SPIDR: variants seen among roughly 807,000 people sequenced by gnomAD.
SPIDR encodes scaffold protein involved in DNA repair, also known as DNA repair-scaffolding protein.
A neutral mutation model predicts 104.6 loss-of-function variants in SPIDR; 93 were observed. The observed-to-expected ratio is 0.89, with a 90% CI of 0.75 to 1.06. The LOEUF is 1.06. SPIDR is among the 50% of genes least tolerant of loss of function. The pLI is 0.00. For synonymous variants in SPIDR, 431 were observed against 416.9 expected (o/e 1.03, Z -0.41); for missense variants, 1,154 against 1,111.2 (o/e 1.04, Z -0.55).
chr8:47,583,303 C>G (rs1308220565), intron 8 of SPIDR, among the ~76,000 whole-genome samples: 1 of 79,194 alleles, frequency 1.3e-5, no homozygotes, highest in Non-Finnish European at 2.5e-5. Context: ...GAGACTCCAT[C>G]TCAAAAAAAA....
At chr8:47,575,804 A>C (rs1328317638) in intron 8 of SPIDR, among the ~76,000 whole-genome samples, 18 of 151,460 alleles carry the variant, frequency 1.2e-4, no homozygotes, top group Admixed American at 7.9e-4. Flanking sequence ...TACTGAAAAT[A>C]CAAAAATTAG....
Position 47,643,515 on chromosome 8 carries a change from G to GTGTTGT in SPIDR, c.1545-30260_1545-30255dup, listed in dbSNP as rs33933986. On this transcript the variant is annotated intron_variant, in intron 10 of 19. Coordinates refer to ENST00000297423, the MANE Select transcript of SPIDR (RefSeq NM_001080394.4). The stretch of plus-strand genomic sequence containing the variant: ...AGGCACATATCACCACACCTGGCTA[G>GTGTTGT]TGTTGTTGTTGTTGTTGTTGTTGTT... 6.4e-4 allele frequency among the ~76,000 whole-genome samples: 96 copies of GTGTTGT among 148,908 alleles called. 1 individual carries two copies. The highest frequency in any genetic ancestry group is 1.2e-3 in the Non-Finnish European group (79 of 67,396).
At chr8:47,645,087 G>A (rs926324127) in intron 10 of SPIDR, among the ~76,000 whole-genome samples, 1 of 152,164 alleles carries the variant, frequency 6.6e-6, no homozygotes, top group Non-Finnish European at 1.5e-5. Flanking sequence ...AAGCCTTTAA[G>A]GTTTTCAGCA....
intron 1 of SPIDR, among the ~76,000 whole-genome samples, chr8:47,275,139 G>A (rs1231797031): frequency 3.3e-5 from 5 of 151,478 alleles, no homozygotes; most frequent in African/African-American, 4.8e-5. Context: ...GGCGCCTGTA[G>A]TCCCAGCTAC....
chr8:47,660,349 A>G, intron 10 of SPIDR: 2 of 591,078 alleles, frequency 3.4e-6, no homozygotes, highest in Non-Finnish European at 4.3e-6. Context: ...TGAACAGGGA[A>G]CCTCTTATCT....
intron 1 of SPIDR, among the ~76,000 whole-genome samples, chr8:47,270,975 A>G (rs894498333): frequency 6.6e-6 from 1 of 152,278 alleles, no homozygotes; most frequent in East Asian, 1.9e-4. Flanking sequence ...ATGGCCTAAC[A>G]TGGTCTGTCG....
chr8:47,399,621 C>G (rs1021167039), intron 6 of SPIDR, among the ~76,000 whole-genome samples: 1 of 152,168 alleles, frequency 6.6e-6, no homozygotes, highest in Non-Finnish European at 1.5e-5. Flanking sequence ...TGGTCATGGA[C>G]TGAGTTTGAG....
At chr8:47,323,700 A>C (rs1410159317) in intron 5 of SPIDR, among the ~76,000 whole-genome samples, 1 of 152,214 alleles carries the variant, frequency 6.6e-6, no homozygotes, top group African/African-American at 2.4e-5. Context: ...ACACAGCTGA[A>C]CATAGAAGAC....
intron 8 of SPIDR, among the ~76,000 whole-genome samples, chr8:47,467,832 A>G (rs1404815046): frequency 6.6e-5 from 10 of 152,218 alleles, no homozygotes; most frequent in African/African-American, 2.4e-4. Context: ...CTCCTATTCA[A>G]CATTGTATTG....
At chr8:47,669,224 G>T (rs2075444546) in intron 10 of SPIDR, among the ~76,000 whole-genome samples, 1 of 152,186 alleles carries the variant, frequency 6.6e-6, no homozygotes. Flanking sequence ...AAGTCATGGG[G>T]ACACTTTTCT....
intron 6 of SPIDR, among the ~76,000 whole-genome samples, chr8:47,403,244 TATC>T (rs2062175571): frequency 6.6e-6 from 1 of 152,148 alleles, no homozygotes; most frequent in South Asian, 2.1e-4. Flanking sequence ...CCACAGCCAA[TATC>T]ATACTGAATG....
At chr8:47,270,370 C>T (rs1330433518) in intron 1 of SPIDR, among the ~76,000 whole-genome samples, 2 of 152,032 alleles carry the variant, frequency 1.3e-5, no homozygotes, top group Admixed American at 6.5e-5. Flanking sequence ...TTGTCTTTCT[C>T]GGAATTTGTT....
At position 47,502,630 on chromosome 8, in the gene SPIDR, A is replaced by C. The variant is rs538519943; in HGVS notation, c.1097+62088A>C. Among the ~76,000 whole-genome samples, 5 of 151,906 alleles carry C rather than the reference A, an allele frequency of 3.3e-5. No individual in the cohort carries two copies. The East Asian group carries it at 7.7e-4, about 24-fold the overall frequency. Reference sequence around the variant, plus strand: ...TTTTTGAAGGGTTTTTCGTGTCTCTATTTCCTTCGGTTCTGCTCTGATCTT... The same window carrying C: ...TTTTTGAAGGGTTTTTCGTGTCTCTCTTTCCTTCGGTTCTGCTCTGATCTT... On this transcript the variant is annotated intron_variant, in intron 8 of 19. Coordinates refer to ENST00000297423, the MANE Select transcript of SPIDR (RefSeq NM_001080394.4).
intron 8 of SPIDR, among the ~76,000 whole-genome samples, chr8:47,529,565 C>G (rs1294391289): frequency 1.3e-5 from 2 of 151,776 alleles, no homozygotes; most frequent in African/African-American, 4.8e-5. Context: ...TTTGTCACTA[C>G]TAAGGCTACC....
intron 8 of SPIDR, among the ~76,000 whole-genome samples, chr8:47,459,084 A>G (rs190533768): frequency 1.3e-5 from 2 of 152,114 alleles, no homozygotes; most frequent in Non-Finnish European, 2.9e-5. Flanking sequence ...CATCAGGGTT[A>G]TTGGTCTGTA....
intron 5 of SPIDR, among the ~76,000 whole-genome samples, chr8:47,313,190 G>A (rs2044562672): frequency 6.6e-6 from 1 of 152,160 alleles, no homozygotes; most frequent in Non-Finnish European, 1.5e-5. Context: ...ATCTCCTTAA[G>A]CTGATAAGCA....
At chr8:47,357,154 G>A (rs1373317442) in intron 5 of SPIDR, among the ~76,000 whole-genome samples, 2 of 152,144 alleles carry the variant, frequency 1.3e-5, no homozygotes, top group East Asian at 3.8e-4. Flanking sequence ...GGAAATTAGG[G>A]GAAAGAGTGT....
intron 5 of SPIDR, among the ~76,000 whole-genome samples, chr8:47,353,145 G>A (rs1053667353): frequency 1.3e-5 from 2 of 150,734 alleles, no homozygotes; most frequent in African/African-American, 4.9e-5. Flanking sequence ...AAAAAGTTAA[G>A]TTCTAAATAG....
chr8:47,598,657 T>G (rs972040035), intron 9 of SPIDR, among the ~76,000 whole-genome samples: 3 of 152,230 alleles, frequency 2.0e-5, no homozygotes, highest in Non-Finnish European at 4.4e-5. Flanking sequence ...ATTATTTTAT[T>G]AGCAGAACTT....
Sources: gnomAD v4.1 joint callset for allele counts (sites outside exome capture counted in the v4.1 genomes callset) on GRCh38, gnomAD v4.1.1 for gene constraint, MANE v1.5 for transcripts, NCBI Gene and HGNC (gene_info 2026-07-23, HGNC 2026-07-21) for gene names.